Variants in TMEM183A observed in about 807,000 individuals in gnomAD.
TMEM183A encodes chromosome 1 open reading frame 37.
Under a neutral mutation model 46.7 loss-of-function variants are expected in TMEM183A, and 21 were observed. The ratio of observed to expected loss-of-function variants is 0.45; its 90% confidence interval spans 0.32 to 0.65. The LOEUF is 0.65. Ranked by LOEUF, TMEM183A falls within the 30% of genes least tolerant of loss-of-function variation. TMEM183A has a pLI of 0.04. For synonymous variants in TMEM183A, 165 were observed against 180.2 expected, an observed-to-expected ratio of 0.92 and a Z score of 0.68; for missense variants, 331 against 481.9, an observed-to-expected ratio of 0.69 and a Z score of 2.93.
chr1:203,007,450 C>G lies in TMEM183A; in HGVS notation c.-16C>G, dbSNP rs1447924926. ...GCTGGCTTGCGGCTCCCGGGGCCGG[C>G]TCTCCGGCCGGAGACATGGCCCGGG... On this transcript the variant is annotated 5_prime_UTR_variant, in exon 1 of 8. Coordinates refer to ENST00000367242, the MANE Select transcript of TMEM183A (RefSeq NM_138391.6). The G allele has an allele frequency of 1.4e-6, 2 of 1,414,960 alleles. No homozygotes were observed. The highest frequency in any genetic ancestry group is 3.0e-5 in the African/African-American group (2 of 66,586). The allele number at this position is 1,414,960 out of a possible 1,614,324, so 87.7% of individuals were successfully genotyped here.
At chr1:203,016,216 C>T (rs749141905) in intron 5 of TMEM183A, 76 bp downstream of exon 5, 3 of 1,600,186 alleles carry the variant, frequency 1.9e-6, no homozygotes, top group Non-Finnish European at 1.7e-6. Context: ...TTGTCTCCAG[C>T]TTCCTTGATG....
rs1656635854 is a variant in TMEM183A at position 203,011,888 on chromosome 1, T to C, written c.368-3001T>C. ...ACTGGTCTTTTTTTTTTTTTTTCTT[T>C]TTAAATTTCTTTTTATTTTATTGTT... On this transcript the variant is annotated intron_variant, in intron 3 of 7. Coordinates refer to ENST00000367242, the MANE Select transcript of TMEM183A (RefSeq NM_138391.6). Among the ~76,000 whole-genome samples the C allele has an allele frequency of 5.3e-5, 8 of 151,552 alleles. No individual in the cohort carries two copies. In the South Asian group the frequency reaches 1.7e-3, roughly 31 times the overall value.
rs1439216265 is a variant in TMEM183A, at chr1:203,018,573, T to A, written c.789+12T>A. ...AGTTCAAAAAACAGGTACGTGGTCT[T>A]CTCTTTGTTTTTCAGATAATACCTT... On this transcript the variant is annotated intron_variant, in intron 6 of 7. Coordinates refer to ENST00000367242, the MANE Select transcript of TMEM183A (RefSeq NM_138391.6). The A allele has an allele frequency of 6.2e-7, 1 of 1,611,440 alleles. No homozygotes were observed. The highest frequency in any genetic ancestry group is 8.5e-7 in the Non-Finnish European group (1 of 1,179,142).
In TMEM183A at chr1:203,015,957, C is replaced by T; in HGVS notation, c.528-3C>T. The stretch of plus-strand genomic sequence containing the variant: ...TTGGTAGGAGTAATGTGTCATGTTT[C>T]AGGCACTACACGCTGGATGCTTCCC... On this transcript the variant is annotated splice_region_variant and splice_polypyrimidine_tract_variant and intron_variant, in intron 4 of 7. Coordinates refer to ENST00000367242, the MANE Select transcript of TMEM183A (RefSeq NM_138391.6). 1 of 1,613,438 alleles carries T rather than the reference C, an allele frequency of 6.2e-7. No individual in the cohort carries two copies. The highest frequency in any genetic ancestry group is 8.5e-7 in the Non-Finnish European group (1 of 1,179,536).
chr1:203,022,892 G>C lies in TMEM183A; in HGVS notation c.983G>C (p.Arg328Pro). The C allele has an allele frequency of 6.2e-7, 1 of 1,613,470 alleles. No individual in the cohort carries two copies. Among genetic ancestry groups the C allele is most frequent in the Non-Finnish European group, 8.5e-7 (1 of 1,179,764 alleles). Residue 328 changes from arginine (R) to proline (P), a missense_variant, in exon 8 of 8, where the codon CGA becomes CCA. Around this residue, in one of 2 missense-constraint regions of TMEM183A, gnomAD observed 233 missense variants for 385.8 expected, o/e 0.60. Transcript: ENST00000367242. ...GTGAGCACGGACATGCGGCATCATC[G>C]AGTGAGACTGGTGTTCCAAGATTCC... ...INVSTDMRHH[R>P]VRLVFQDSPV...
chr1:203,007,704 G>T, intron 1 of TMEM183A, 70 bp from the exon 2 acceptor site: 1 of 1,597,906 alleles, frequency 6.3e-7, no homozygotes, highest in South Asian at 1.1e-5. Context: ...CTGCAGCGAG[G>T]AGGAGGTGTT....
intron 1 of TMEM183A, 52 bp downstream of exon 1, chr1:203,007,626 AG>A: frequency 1.4e-5 from 22 of 1,528,066 alleles, no homozygotes; most frequent in Non-Finnish European, 1.8e-5. Context: ...GGCGGCTGGG[AG>A]GGGGCTGGAC....
chr1:203,020,967 T>G lies in TMEM183A; in HGVS notation c.945+19T>G. The G allele has an allele frequency of 6.5e-7, 1 of 1,533,666 alleles. No homozygotes were observed. The highest frequency in any genetic ancestry group is 8.7e-7 in the Non-Finnish European group (1 of 1,147,574). ...TACTCTGGTAAGTGGGGACTCAGGA[T>G]GTCATTCTCAGCTCCTTTTTTTTTT... On this transcript the variant is annotated intron_variant, in intron 7 of 7. Transcript: ENST00000367242.
At chr1:203,009,804 T>G (rs1162136830) in intron 3 of TMEM183A, among the ~76,000 whole-genome samples, 2 of 152,114 alleles carry the variant, frequency 1.3e-5, no homozygotes, top group Non-Finnish European at 2.9e-5. Flanking sequence ...AAAGCTAAAG[T>G]GGTTCTGATG....
intron 3 of TMEM183A, among the ~76,000 whole-genome samples, chr1:203,012,530 A>G (rs543197557): frequency 6.6e-6 from 1 of 152,216 alleles, no homozygotes; most frequent in East Asian, 1.9e-4. Flanking sequence ...CATGTCCTTC[A>G]TGATTTATCT....
At position 203,024,488 on chromosome 1, in the gene TMEM183A, T is replaced by G. The variant is rs904244701; in HGVS notation, c.*1448T>G. 2.1e-4 allele frequency: 23 copies of G among 108,184 alleles called. No homozygotes were observed. The highest frequency in any genetic ancestry group is 5.4e-4 in the Admixed American group (6 of 11,024). The allele number at this position is 108,184 out of a possible 1,614,324, so 6.7% of individuals were successfully genotyped here. ...CAAACTGCTAAATTCACATTTTTGT[T>G]TTTTTTTTTTTACCATCTTCCCTAG... On this transcript the variant is annotated 3_prime_UTR_variant, in exon 8 of 8. Coordinates refer to ENST00000367242, the MANE Select transcript of TMEM183A (RefSeq NM_138391.6).
At position 203,023,518 on chromosome 1, in the gene TMEM183A, G is replaced by GT. The variant is rs1657915100; in HGVS notation, c.*479dup. ...TTACCCTTCTCCAGAAATAAAGCAG[G>GT]TGACAGGGTTTTCAGAATCTTACCA... On this transcript the variant is annotated 3_prime_UTR_variant, in exon 8 of 8. Coordinates refer to ENST00000367242, the MANE Select transcript of TMEM183A (RefSeq NM_138391.6). The GT allele has an allele frequency of 6.5e-6, 1 of 152,780 alleles. No homozygotes were observed. The highest frequency in any genetic ancestry group is 6.5e-5 in the Admixed American group (1 of 15,288). 9.5% of individuals were successfully genotyped at this position (152,780 alleles called of 1,614,324 possible). A position where few individuals can be genotyped will look rare whatever the true frequency, so the allele number is the denominator to read the frequency against.
chr1:203,024,508 CCCTAGGAATATT>C lies in TMEM183A; in HGVS notation c.*1474_*1485del. 6.8e-6 allele frequency: 1 copy of C among 146,564 alleles called. No individual in the cohort carries two copies. The highest frequency in any genetic ancestry group is 2.1e-4 in the South Asian group (1 of 4,710). 9.1% of individuals were successfully genotyped at this position (146,564 alleles called of 1,614,324 possible). A position where few individuals can be genotyped will look rare whatever the true frequency, so the allele number is the denominator to read the frequency against. ...TTTGTTTTTTTTTTTTTACCATCTT[CCCTAGGAATATT>C]CCTAGAAAGCATCTGCTTAATTTTG... On this transcript the variant is annotated 3_prime_UTR_variant, in exon 8 of 8. Transcript: ENST00000367242.
At chr1:203,020,695 C>T in intron 6 of TMEM183A, 98 bp from the exon 7 acceptor site, 1 of 1,442,386 alleles carries the variant, frequency 6.9e-7, no homozygotes, top group Non-Finnish European at 9.6e-7. Flanking sequence ...AAGTGTATCT[C>T]ACTAGCTTTA....
chr1:203,012,155 C>T (rs1436603616), intron 3 of TMEM183A, among the ~76,000 whole-genome samples: 1 of 130,520 alleles, frequency 7.7e-6, no homozygotes, highest in Non-Finnish European at 1.7e-5. Flanking sequence ...CCATCACACA[C>T]ACACACACAC....
rs1375211327 is a variant in TMEM183A, at chr1:203,020,795, C to T, written c.792C>T (p.Ser264=). Residue 264 remains serine, a splice_region_variant and synonymous_variant, in exon 7 of 8, where the codon TCC becomes TCT. Transcript: ENST00000367242. ...GATTAATTCTCAGTTCTCTTCAGTCCCCTAGGTTAAAGAGCAAGTGTACAG... is the reference window on the plus strand; with the variant it reads ...GATTAATTCTCAGTTCTCTTCAGTCTCCTAGGTTAAAGAGCAAGTGTACAG... ...WEFNFKFKKQ[S]PRLKSKCTGG... The T allele has an allele frequency of 5.6e-6, 9 of 1,613,534 alleles. No individual in the cohort carries two copies. Among genetic ancestry groups the T allele is most frequent in the Non-Finnish European group, 7.6e-6 (9 of 1,179,766 alleles).
chr1:203,018,399 T>A (rs1046928953), intron 5 of TMEM183A, 82 bp from the exon 6 acceptor site: 30 of 1,498,162 alleles, frequency 2.0e-5, no homozygotes, highest in Non-Finnish European at 2.5e-5. Flanking sequence ...AGAAAGGTTT[T>A]TGGTGATTAT....
Position 203,016,143 on chromosome 1 carries a change from A to G in TMEM183A, c.708+3A>G. The G allele has an allele frequency of 6.2e-7, 1 of 1,614,162 alleles. No individual in the cohort carries two copies. The highest frequency in any genetic ancestry group is 8.5e-7 in the Non-Finnish European group (1 of 1,180,010). ...CCAGCACATTAAAGAATTCCAAAGT[A>G]AGTGAGAATTTGTGTTGGGGTTTGA... is the stretch of plus-strand genomic sequence containing the variant. On this transcript the variant is annotated splice_donor_region_variant and intron_variant, in intron 5 of 7. Transcript: ENST00000367242.
chr1:203,014,590 A>G (rs1656984106), intron 3 of TMEM183A, among the ~76,000 whole-genome samples: 2 of 151,934 alleles, frequency 1.3e-5, no homozygotes, highest in African/African-American at 2.4e-5. Flanking sequence ...GCACCACTGC[A>G]TTCCAGCCTG....
Sources: gnomAD v4.1 joint callset for allele counts (sites outside exome capture counted in the v4.1 genomes callset) on GRCh38, gnomAD v4.1.1 for gene constraint, gnomAD v4.1.1 regional missense constraint, MANE v1.5 for transcripts, NCBI Gene and HGNC (gene_info 2026-07-23, HGNC 2026-07-21) for gene names.